The following DIP2B variants were observed in gnomAD, a reference collection of about 807,000 sequenced individuals.
DIP2B encodes DIP2 acetate--CoA ligase B (putative).
DIP2B carries 76 observed loss-of-function variants against 198.0 expected under a neutral mutation model. The observed-to-expected ratio is 0.38, with a 90% CI of 0.32 to 0.46. The LOEUF (loss-of-function observed/expected upper bound fraction) is 0.46. DIP2B is among the 20% of genes least tolerant of loss of function. The probability of loss-of-function intolerance (pLI) is 0.99; values close to 1 mark genes in which losing one functional copy is unlikely to be tolerated. For synonymous variants in DIP2B, 701 were observed against 739.1 expected, an observed-to-expected ratio of 0.95 and a Z score of 0.84; for missense variants, 1,559 against 1,978.4, an observed-to-expected ratio of 0.79 and a Z score of 4.02.
chr12:50,521,312 G>A (rs1326634404), intron 1 of DIP2B, among the ~76,000 whole-genome samples: 3 of 151,146 alleles, frequency 2.0e-5, no homozygotes, highest in Non-Finnish European at 4.4e-5. Flanking sequence ...TCACCATGTT[G>A]GTCAAGCTGG....
At chr12:50,532,516 A>G (rs956481591) in intron 1 of DIP2B, among the ~76,000 whole-genome samples, 2 of 152,174 alleles carry the variant, frequency 1.3e-5, no homozygotes, top group Admixed American at 1.3e-4. Context: ...TCTGTCTCAA[A>G]AAACAAAAAA....
At chr12:50,532,301 G>T (rs1174557851) in intron 1 of DIP2B, among the ~76,000 whole-genome samples, 2 of 152,080 alleles carry the variant, frequency 1.3e-5, no homozygotes, top group African/African-American at 2.4e-5. Context: ...GATCATTTAA[G>T]GTCAGGAGTT....
chr12:50,535,639 C>T (rs966975421), intron 1 of DIP2B, among the ~76,000 whole-genome samples: 18 of 151,722 alleles, frequency 1.2e-4, no homozygotes, highest in Non-Finnish European at 2.4e-4. Flanking sequence ...CCAAAGTGCT[C>T]GGATTACAGA....
At position 50,578,690 on chromosome 12, in the gene DIP2B, A is replaced by G. The variant is rs796332434; in HGVS notation, c.101-47286A>G. Among the ~76,000 whole-genome samples the G allele has an allele frequency of 1.5e-4, 22 of 151,542 alleles. 1 individual carries two copies. Among genetic ancestry groups the G allele is most frequent in the African/African-American group, 4.8e-4 (20 of 41,294 alleles). ...ACCCGGCTAATTTTTTTGTATTTTT[A>G]GTAGAGACAGGGTTTCACCGTGTTA... is the stretch of plus-strand genomic sequence containing the variant. On this transcript the variant is annotated intron_variant, in intron 1 of 37. Transcript: ENST00000301180.
intron 1 of DIP2B, among the ~76,000 whole-genome samples, chr12:50,623,090 A>G (rs1012084625): frequency 2.0e-5 from 3 of 152,124 alleles, no homozygotes; most frequent in African/African-American, 4.8e-5. Flanking sequence ...AAACTCTACT[A>G]AAGTATATAA....
intron 1 of DIP2B, among the ~76,000 whole-genome samples, chr12:50,595,800 C>T (rs1341312821): frequency 6.6e-6 from 1 of 152,112 alleles, no homozygotes; most frequent in Non-Finnish European, 1.5e-5. Flanking sequence ...CTCCCATGGA[C>T]TCAAGTAAAA....
In DIP2B at chr12:50,582,145, G is replaced by GTTTTT. The variant is rs367699036; in HGVS notation, c.101-43811_101-43807dup. The stretch of plus-strand genomic sequence containing the variant: ...TAATAGCTTCTTTTTCTTTTTTTCT[G>GTTTTT]TTTTTTTTTTTTTTTTTTTTTTTTG... On this transcript the variant is annotated intron_variant, in intron 1 of 37. Coordinates refer to ENST00000301180, the MANE Select transcript of DIP2B (RefSeq NM_173602.3). Among the ~76,000 whole-genome samples, 351 of 77,478 alleles carry GTTTTT rather than the reference G, an allele frequency of 4.5e-3. 8 individuals carry two copies. Among genetic ancestry groups the GTTTTT allele is most frequent in the African/African-American group, 0.02 (316 of 16,102 alleles). 50.8% of individuals were successfully genotyped at this position (77,478 alleles called of 152,430 possible). A position where few individuals can be genotyped will look rare whatever the true frequency, so the allele number is the denominator to read the frequency against.
intron 1 of DIP2B, among the ~76,000 whole-genome samples, chr12:50,562,580 A>G (rs1416958606): frequency 1.3e-5 from 2 of 151,910 alleles, no homozygotes; most frequent in African/African-American, 4.8e-5. Flanking sequence ...AAAAAATAAA[A>G]AAGTTAGCCA....
chr12:50,673,706 A>G (rs562877574), intron 5 of DIP2B, among the ~76,000 whole-genome samples: 23 of 152,304 alleles, frequency 1.5e-4, no homozygotes, highest in Middle Eastern at 6.8e-3. Flanking sequence ...GGCTTACTTG[A>G]GCCCAGGAGG....
intron 1 of DIP2B, among the ~76,000 whole-genome samples, chr12:50,528,207 G>A (rs577235434): frequency 4.0e-5 from 6 of 151,130 alleles, no homozygotes; most frequent in Non-Finnish European, 8.8e-5. Flanking sequence ...GATTATAGAC[G>A]TGAGCCACTG....
intron 1 of DIP2B, among the ~76,000 whole-genome samples, chr12:50,604,415 T>G (rs1421402627): frequency 6.6e-6 from 1 of 152,230 alleles, no homozygotes; most frequent in Non-Finnish European, 1.5e-5. Flanking sequence ...GACTTTTTTG[T>G]GGCTGACCTT....
intron 1 of DIP2B, among the ~76,000 whole-genome samples, chr12:50,608,697 T>A (rs1252316101): frequency 2.0e-5 from 3 of 152,054 alleles, no homozygotes; most frequent in African/African-American, 7.2e-5. Flanking sequence ...GATCAACTAG[T>A]TCAACACTCT....
At position 50,731,080 on chromosome 12, in the gene DIP2B, A is replaced by G. The variant is rs578234676; in HGVS notation, c.3642-289A>G. ...ATCAGGGTTTTAAAGATTAGTTATT[A>G]GGAATTACCTTTCCAGAATGTTTAG... On this transcript the variant is annotated intron_variant, in intron 30 of 37. Transcript: ENST00000301180. Among the ~76,000 whole-genome samples the G allele has an allele frequency of 3.3e-5, 5 of 152,374 alleles. No homozygotes were observed. The South Asian group carries it at 1.0e-3, about 32-fold the overall frequency.
intron 1 of DIP2B, among the ~76,000 whole-genome samples, chr12:50,560,265 T>C (rs1351098427): frequency 6.6e-6 from 1 of 151,842 alleles, no homozygotes; most frequent in Non-Finnish European, 1.5e-5. Context: ...TGTGGTGGCA[T>C]GCACCTGAAG....
chr12:50,711,517 T>C (rs10747587), intron 22 of DIP2B, among the ~76,000 whole-genome samples: 37,751 of 151,940 alleles, frequency 0.25, 5,535 homozygotes, highest in East Asian at 0.44. Context: ...AGGATTGTGA[T>C]TTTCAAGTTT....
In DIP2B at chr12:50,677,056, A is replaced by C. The variant is rs61371500; in HGVS notation, c.916+1608A>C. 1.6e-3 allele frequency among the ~76,000 whole-genome samples: 249 copies of C among 152,312 alleles called. 2 individuals are homozygous for C. The highest frequency in any genetic ancestry group is 5.3e-3 in the African/African-American group (219 of 41,574). On this transcript the variant is annotated intron_variant, in intron 7 of 37. Transcript: ENST00000301180. ...CATTGAGCTATAAAACATTTATTTC[A>C]TATTTCATTTGCCCATCTAAGATTT...
chr12:50,653,346 C>CTTT (rs34185073), intron 3 of DIP2B, among the ~76,000 whole-genome samples: 6 of 76,638 alleles, frequency 7.8e-5, no homozygotes, highest in African/African-American at 2.2e-4. Context: ...TTTTTCTTTT[C>CTTT]TTTTTTTTTT....
intron 5 of DIP2B, among the ~76,000 whole-genome samples, chr12:50,673,317 A>T (rs534108229): frequency 6.6e-6 from 1 of 152,228 alleles, no homozygotes; most frequent in Admixed American, 6.5e-5. Context: ...TTTACAAAAA[A>T]CTTAGAAGAA....
intron 4 of DIP2B, among the ~76,000 whole-genome samples, chr12:50,661,330 C>T (rs566750643): frequency 6.6e-6 from 1 of 152,158 alleles, no homozygotes; most frequent in Non-Finnish European, 1.5e-5. Flanking sequence ...CCTAGGTTGC[C>T]TTATGGTTGA....
Sources: allele counts gnomAD v4.1 joint callset (sites outside exome capture counted in the v4.1 genomes callset), GRCh38; gene constraint gnomAD v4.1.1; transcripts MANE v1.5; gene names NCBI Gene and HGNC (gene_info 2026-07-23, HGNC 2026-07-21).